The following AATK variants were observed in gnomAD, a reference collection of about 807,000 sequenced individuals.
The protein encoded by AATK is lemur tail kinase 1.
Under a neutral mutation model 114.3 loss-of-function variants are expected in AATK, and 91 were observed. That is an observed-to-expected ratio of 0.80 (90% CI 0.67 to 0.95). The LOEUF (loss-of-function observed/expected upper bound fraction) is 0.95, where lower values mean the gene tolerates loss of function less well. Ranked by LOEUF, AATK falls within the 40% of genes least tolerant of loss-of-function variation. The pLI, the probability that AATK is intolerant of heterozygous loss-of-function variation, is 0.00. For synonymous variants in AATK, 1,075 were observed against 916.5 expected (o/e 1.17, Z -3.12); for missense variants, 2,176 against 1,965.2 (o/e 1.11, Z -2.03).
rs190089474 is a variant in AATK, at chr17:81,150,942, C to G, written c.55+14996G>C. Among the ~76,000 whole-genome samples, 324 of 152,312 alleles carry G rather than the reference C, an allele frequency of 2.1e-3. 1 individual carries two copies. Among genetic ancestry groups the G allele is most frequent in the African/African-American group, 7.1e-3 (296 of 41,564 alleles). On this transcript the variant is annotated intron_variant, in intron 1 of 13. Transcript: ENST00000326724. ...TGGGGGAGTCAGCATGTCCAGGGGTCAGGCCAGTGTCCCTGGGAAGCCCAG... is the reference window on the plus strand; with the variant it reads ...TGGGGGAGTCAGCATGTCCAGGGGTGAGGCCAGTGTCCCTGGGAAGCCCAG...
chr17:81,154,238 T>A (rs568071424), intron 1 of AATK, among the ~76,000 whole-genome samples: 4 of 152,208 alleles, frequency 2.6e-5, no homozygotes, highest in Admixed American at 1.3e-4. Context: ...AGGGACTGTC[T>A]CTGTGCAACT....
At chr17:81,125,932 C>T in intron 7 of AATK, 1 of 478,670 alleles carries the variant, frequency 2.1e-6, no homozygotes, top group Non-Finnish European at 4.3e-6. Flanking sequence ...TCACTCAGCA[C>T]CAGGATATTG....
In AATK at chr17:81,125,034, C is replaced by T; in HGVS notation, c.756-20G>A. 8.6e-7 allele frequency: 1 copy of T among 1,159,668 alleles called. No homozygotes were observed. 71.8% of individuals were successfully genotyped at this position (1,159,668 alleles called of 1,614,324 possible). ...AGGTCGCTGCAGGCAGGGGCAGGGGCAGGGGCAGGGTGAGCAGGGTGAGCA... is the reference window on the plus strand; with the variant it reads ...AGGTCGCTGCAGGCAGGGGCAGGGGTAGGGGCAGGGTGAGCAGGGTGAGCA... On this transcript the variant is annotated intron_variant, in intron 7 of 13. Transcript: ENST00000326724.
chr17:81,160,585 C>G (rs1332692829), intron 1 of AATK, among the ~76,000 whole-genome samples: 1 of 152,228 alleles, frequency 6.6e-6, no homozygotes, highest in Non-Finnish European at 1.5e-5. Context: ...CCTCCTGTCA[C>G]TGTGGCCTGC....
chr17:81,137,251 C>T (rs2061024651), intron 1 of AATK, among the ~76,000 whole-genome samples: 1 of 146,012 alleles, frequency 6.8e-6, no homozygotes, highest in African/African-American at 2.6e-5. Flanking sequence ...GAGTAAGACT[C>T]CGCCTTAAAA....
chr17:81,151,934 G>T (rs528707673), intron 1 of AATK, among the ~76,000 whole-genome samples: 4 of 152,146 alleles, frequency 2.6e-5, no homozygotes, highest in Non-Finnish European at 4.4e-5. Flanking sequence ...ATTCAATCAC[G>T]TGAGACTTCC....
intron 1 of AATK, among the ~76,000 whole-genome samples, chr17:81,148,335 G>A (rs138586511): frequency 9.5e-4 from 144 of 152,292 alleles, no homozygotes; most frequent in African/African-American, 3.4e-3. Context: ...ACTCTCTGCT[G>A]CCCCCACCAC....
chr17:81,134,232 G>T, intron 2 of AATK, 136 bp downstream of exon 2: 1 of 1,192,368 alleles, frequency 8.4e-7, no homozygotes, highest in Non-Finnish European at 1.2e-6. Flanking sequence ...GTGGTCCCCA[G>T]GTGGCCCCAC....
intron 1 of AATK, chr17:81,160,449 G>A (rs925924152): frequency 7.3e-5 from 12 of 164,200 alleles, no homozygotes; most frequent in Non-Finnish European, 1.4e-4. Context: ...GGCCCCGTCC[G>A]CTGCCCTCAT....
chr17:81,161,265 C>A (rs532800155), intron 1 of AATK, among the ~76,000 whole-genome samples: 2 of 152,102 alleles, frequency 1.3e-5, no homozygotes, highest in African/African-American at 2.4e-5. Context: ...ATCCTTCCTG[C>A]CTCTCCGGCA....
intron 1 of AATK, among the ~76,000 whole-genome samples, chr17:81,149,847 C>T (rs535749184): frequency 2.2e-4 from 34 of 152,320 alleles, no homozygotes; most frequent in Admixed American, 2.0e-3. Context: ...TCAAAATGCC[C>T]GGTGCCTCAG....
In AATK at chr17:81,122,427, C is replaced by A; in HGVS notation, c.1509G>T (p.Gln503His). ...GCGCGCCGTCGGGGGCGCACAGCTC[C>A]TGCAGGCGTGCGGTGCGGCCAGGGC... ...TLSPGRTARL[Q>H]ELCAPDGAPP... Residue 503 changes from glutamine to histidine, a missense_variant, in exon 11 of 14, where the codon CAG (glutamine) becomes CAT (histidine). Gln to His is a conservative substitution (Grantham distance 24, BLOSUM62 0). Transcript: ENST00000326724. 3 of 1,458,046 alleles carry A rather than the reference C, an allele frequency of 2.1e-6. No individual in the cohort carries two copies. The highest frequency in any genetic ancestry group is 2.7e-6 in the Non-Finnish European group (3 of 1,106,910). The allele number at this position is 1,458,046 out of a possible 1,614,324, so 90.3% of individuals were successfully genotyped here.
intron 9 of AATK, among the ~76,000 whole-genome samples, chr17:81,124,186 C>G (rs1012849739): frequency 6.6e-6 from 1 of 151,808 alleles, no homozygotes; most frequent in African/African-American, 2.4e-5. Context: ...GTTGGGGAAG[C>G]AGCAGAGGTG....
At chr17:81,140,966 G>A (rs1278602259) in intron 1 of AATK, among the ~76,000 whole-genome samples, 9 of 145,774 alleles carry the variant, frequency 6.2e-5, no homozygotes, top group Admixed American at 4.1e-4. Context: ...ACCGTGAGCC[G>A]TGGGGCCGTG....
Position 81,122,549 on chromosome 17 carries a change from C to T in AATK, c.1387G>A (p.Asp463Asn). 2 of 1,476,098 alleles carry T rather than the reference C, an allele frequency of 1.4e-6. No homozygotes were observed. Among genetic ancestry groups the T allele is most frequent in the South Asian group, 1.2e-5 (1 of 80,220 alleles). 91.4% of individuals were successfully genotyped at this position (1,476,098 alleles called of 1,614,324 possible). A position where few individuals can be genotyped will look rare whatever the true frequency, so the allele number is the denominator to read the frequency against. The change falls in exon 11 of 14, where the codon GAC becomes AAC. Residue 463 changes from aspartate (D) to asparagine (N), a missense_variant. Around this residue, in one of 4 missense-constraint regions of AATK, gnomAD observed 1,701 missense variants for 1,394.7 expected, o/e 1.22. Coordinates refer to ENST00000326724, the MANE Select transcript of AATK (RefSeq NM_001080395.3). The part of the protein sequence containing the change: ...FAGDGFHADG[D>N]DVLTVTETSR... ...GTCTCGGTCACCGTCAGCACGTCGT[C>T]GCCGTCCGCGTGGAAGCCGTCGCCC...
intron 1 of AATK, among the ~76,000 whole-genome samples, chr17:81,145,019 G>A (rs181217659): frequency 6.6e-6 from 1 of 152,198 alleles, no homozygotes; most frequent in East Asian, 1.9e-4. Flanking sequence ...GATCACTTGA[G>A]GTCAGGAGTT....
chr17:81,134,698 C>T (rs568694158), intron 1 of AATK, among the ~76,000 whole-genome samples, 197 bp from the exon 2 acceptor site: 1 of 152,360 alleles, frequency 6.6e-6, no homozygotes, highest in East Asian at 1.9e-4. Flanking sequence ...CAGCCAGCCA[C>T]TGGACACCAC....
At position 81,165,885 on chromosome 17, in the gene AATK, C is replaced by G. The variant is rs1023329520; in HGVS notation, c.55+53G>C. The G allele has an allele frequency of 1.3e-5, 20 of 1,550,204 alleles. No individual in the cohort carries two copies. In the East Asian group the frequency reaches 3.7e-4, roughly 28 times the overall value. ...GGAGCCGTGGGGCCCAGGGGCATCA[C>G]GTCCGCAGCGGAGGGAGGCAGCGGC... On this transcript the variant is annotated intron_variant, in intron 1 of 13. Transcript: ENST00000326724.
chr17:81,120,152 G>A (rs972549056), intron 11 of AATK, 49 bp downstream of exon 11: 10 of 1,517,746 alleles, frequency 6.6e-6, no homozygotes, highest in African/African-American at 5.6e-5. Context: ...CCCTTCCTGC[G>A]GGAGCGCGAC....
Sources: gnomAD v4.1 joint callset for allele counts (sites outside exome capture counted in the v4.1 genomes callset) on GRCh38, gnomAD v4.1.1 for gene constraint, gnomAD v4.1.1 regional missense constraint, MANE v1.5 for transcripts, NCBI Gene and HGNC (gene_info 2026-07-23, HGNC 2026-07-21) for gene names.